The following SLC44A5 variants were observed in gnomAD, a reference collection of about 807,000 sequenced individuals.
The protein encoded by SLC44A5 is solute carrier family 44 member 5.
In SLC44A5, 57 loss-of-function variants were observed where a neutral mutation model predicts 101.8. The ratio of observed to expected loss-of-function variants is 0.56; its 90% confidence interval spans 0.45 to 0.70. The LOEUF (loss-of-function observed/expected upper bound fraction) is 0.70. SLC44A5 is among the 30% of genes least tolerant of loss of function. The pLI is 0.00. For missense variants in SLC44A5, 737 were observed against 853.1 expected (o/e 0.86, Z 1.70); for synonymous variants, 281 against 290.9 (o/e 0.97, Z 0.35).
chr1:75,683,975 C>T, the SLC44A5 span, among the ~76,000 whole-genome samples: 1 of 152,066 alleles, frequency 6.6e-6, no homozygotes, highest in Admixed American at 6.6e-5. Flanking sequence ...CTAATAAAGA[C>T]ATATGTGAGA....
intron 2 of SLC44A5, among the ~76,000 whole-genome samples, chr1:75,438,967 A>C (rs932338720): frequency 1.1e-4 from 16 of 152,108 alleles, no homozygotes; most frequent in Admixed American, 1.3e-4. Flanking sequence ...ATGAAAGCAC[A>C]AAATAAGCAA....
the SLC44A5 span, among the ~76,000 whole-genome samples, chr1:75,705,096 G>A: frequency 6.6e-6 from 1 of 152,090 alleles, no homozygotes; most frequent in Non-Finnish European, 1.5e-5. Flanking sequence ...GCCCACAAAA[G>A]TAAGTAAATA....
chr1:75,455,171 T>C (rs1356072848), intron 2 of SLC44A5, among the ~76,000 whole-genome samples: 1 of 151,908 alleles, frequency 6.6e-6, no homozygotes, highest in Non-Finnish European at 1.5e-5. Context: ...AACAGACACA[T>C]GGATCAATAG....
chr1:75,229,168 A>G (rs1414256591), intron 12 of SLC44A5, among the ~76,000 whole-genome samples: 1 of 152,014 alleles, frequency 6.6e-6, no homozygotes, highest in Non-Finnish European at 1.5e-5. Flanking sequence ...GCCACCCTCA[A>G]GAGTTTCTCT....
chr1:75,665,507 G>C, the SLC44A5 span, among the ~76,000 whole-genome samples: 1 of 152,112 alleles, frequency 6.6e-6, no homozygotes, highest in Admixed American at 6.5e-5. Flanking sequence ...AATCCTAGAA[G>C]AAAACTTAGG....
chr1:75,709,829 A>T, the SLC44A5 span, among the ~76,000 whole-genome samples: 1 of 152,196 alleles, frequency 6.6e-6, no homozygotes, highest in Non-Finnish European at 1.5e-5. Context: ...CTTGTACACA[A>T]ATGCTTATAG....
At chr1:75,327,690 T>C (rs1012560540) in intron 4 of SLC44A5, among the ~76,000 whole-genome samples, 3 of 152,192 alleles carry the variant, frequency 2.0e-5, no homozygotes, top group African/African-American at 7.2e-5. Context: ...AAAACTAATA[T>C]GTGAGTAGAA....
intron 18 of SLC44A5, among the ~76,000 whole-genome samples, chr1:75,217,126 AT>A (rs1474560517): frequency 6.6e-6 from 1 of 151,950 alleles, no homozygotes; most frequent in African/African-American, 2.4e-5. Flanking sequence ...TAATTTTTGT[AT>A]GTTAATGTAA....
At chr1:75,537,642 G>A (rs1671129188) in intron 2 of SLC44A5, among the ~76,000 whole-genome samples, 1 of 152,230 alleles carries the variant, frequency 6.6e-6, no homozygotes, top group African/African-American at 2.4e-5. Context: ...GTTATCAGCA[G>A]GGGGTGGCCA....
the SLC44A5 span, among the ~76,000 whole-genome samples, chr1:75,688,294 T>C: frequency 2.6e-5 from 4 of 152,186 alleles, no homozygotes; most frequent in Non-Finnish European, 5.9e-5. Context: ...CTGACCCCAG[T>C]TGGGAACTAT....
At chr1:75,313,561 G>A (rs1379324917) in intron 4 of SLC44A5, among the ~76,000 whole-genome samples, 1 of 152,132 alleles carries the variant, frequency 6.6e-6, no homozygotes, top group Non-Finnish European at 1.5e-5. Context: ...AGCTGGCCTT[G>A]ACTGCTCCTG....
At chr1:75,660,306 C>A in the SLC44A5 span, among the ~76,000 whole-genome samples, 1 of 151,992 alleles carries the variant, frequency 6.6e-6, no homozygotes, top group Admixed American at 6.6e-5. Context: ...AAACATTTGA[C>A]AAACTGGATA....
At chr1:75,639,257 G>A in the SLC44A5 span, among the ~76,000 whole-genome samples, 1 of 152,064 alleles carries the variant, frequency 6.6e-6, no homozygotes, top group Non-Finnish European at 1.5e-5. Flanking sequence ...TAATCAGCTA[G>A]ATTAGGTGAA....
At chr1:75,430,151 T>C (rs1664533579) in intron 2 of SLC44A5, among the ~76,000 whole-genome samples, 1 of 152,200 alleles carries the variant, frequency 6.6e-6, no homozygotes, top group South Asian at 2.1e-4. Flanking sequence ...GGGAAGTGTT[T>C]AGGCTCTGCC....
At chr1:75,248,856 A>G (rs1649334598) in intron 7 of SLC44A5, among the ~76,000 whole-genome samples, 1 of 152,224 alleles carries the variant, frequency 6.6e-6, no homozygotes, top group Admixed American at 6.5e-5. Context: ...AAAGGGGACA[A>G]TGGAATTGAG....
chr1:75,491,581 T>C lies in SLC44A5; in HGVS notation c.13+49854A>G, dbSNP rs889181885. The stretch of plus-strand genomic sequence containing the variant: ...GATAAAAATAAATGAATGAGTGCAC[T>C]TTTGATTTTCTAAGGAGCTTCCTGG... On this transcript the variant is annotated intron_variant, in intron 2 of 23. Coordinates refer to ENST00000370859, the MANE Select transcript of SLC44A5 (RefSeq NM_001130058.2). Among the ~76,000 whole-genome samples, 55 of 152,216 alleles carry C rather than the reference T, an allele frequency of 3.6e-4. 1 individual carries two copies. Among genetic ancestry groups the C allele is most frequent in the African/African-American group, 1.3e-3 (55 of 41,544 alleles).
At chr1:75,433,425 A>G (rs565667820) in intron 2 of SLC44A5, among the ~76,000 whole-genome samples, 57 of 152,032 alleles carry the variant, frequency 3.7e-4, no homozygotes, top group African/African-American at 1.4e-3. Context: ...CATTAGGAAT[A>G]CTCTCTCTTT....
intron 1 of SLC44A5, among the ~76,000 whole-genome samples, chr1:75,567,330 C>A (rs994931295): frequency 1.3e-5 from 2 of 152,162 alleles, no homozygotes; most frequent in Non-Finnish European, 2.9e-5. Flanking sequence ...GGCATTAGAA[C>A]CTTTTGCATA....
chr1:75,639,238 T>A, the SLC44A5 span, among the ~76,000 whole-genome samples: 1 of 152,232 alleles, frequency 6.6e-6, no homozygotes, highest in African/African-American at 2.4e-5. Context: ...TGTGAGGTAA[T>A]GCATACGTTA....
Sources: gnomAD v4.1 joint callset for allele counts (sites outside exome capture counted in the v4.1 genomes callset) on GRCh38, gnomAD v4.1.1 for gene constraint, MANE v1.5 for transcripts, NCBI Gene and HGNC (gene_info 2026-07-23, HGNC 2026-07-21) for gene names.